Variants in ARHGEF17 observed in about 807,000 individuals in gnomAD.
ARHGEF17 encodes 164 kDa Rho-specific guanine-nucleotide exchange factor.
ARHGEF17 carries 80 observed loss-of-function variants against 174.0 expected under a neutral mutation model. That is an observed-to-expected ratio of 0.46 (90% CI 0.38 to 0.55). The LOEUF (loss-of-function observed/expected upper bound fraction) is 0.55. ARHGEF17 is among the 20% of genes least tolerant of loss of function. The pLI, the probability that ARHGEF17 is intolerant of heterozygous loss-of-function variation, is 0.00. For synonymous variants in ARHGEF17, 1,311 were observed against 1,189.1 expected, an observed-to-expected ratio of 1.10 and a Z score of -2.11; for missense variants, 2,886 against 2,839.7, an observed-to-expected ratio of 1.02 and a Z score of -0.37.
At chr11:73,366,395 A>G (rs1286776957) in intron 20 of ARHGEF17, among the ~76,000 whole-genome samples, 1 of 152,206 alleles carries the variant, frequency 6.6e-6, no homozygotes, top group Non-Finnish European at 1.5e-5. Context: ...AACAACATAG[A>G]ATGGCACTAG....
rs1864834213 is a variant in ARHGEF17, at chr11:73,311,496, C to T, written c.2858C>T (p.Ser953Phe). ...GGCAGCCTGTCTCGGGCCCGGCCCT[C>T]CTCCAGACACGTTCGCCATGCCAGT... is the stretch of plus-strand genomic sequence containing the variant. ...QTGSLSRARP[S>F]SRHVRHASVP... Residue 953 changes from serine (S) to phenylalanine (F), a missense_variant, in exon 1 of 21, where the codon TCC (serine) becomes TTC (phenylalanine). By Grantham distance (155) the Ser-to-Phe change is radical. This residue lies in a region of ARHGEF17 where 1,728 missense variants were observed against 1,461.2 expected (regional missense o/e 1.18). Transcript: ENST00000263674. 6.2e-7 allele frequency: 1 copy of T among 1,613,168 alleles called. No individual in the cohort carries two copies. Among genetic ancestry groups the T allele is most frequent in the Middle Eastern group, 1.6e-4 (1 of 6,062 alleles).
intron 4 of ARHGEF17, 29 bp from the exon 5 acceptor site, chr11:73,355,832 C>G (rs1170572002): frequency 7.4e-6 from 12 of 1,612,868 alleles, no homozygotes; most frequent in East Asian, 2.2e-5. Flanking sequence ...CATGTCATTC[C>G]TCACATGATG....
rs79447594 is a variant in ARHGEF17, at chr11:73,318,228, C to G, written c.3192+6398C>G. Among the ~76,000 whole-genome samples, 11 of 152,232 alleles carry G rather than the reference C, an allele frequency of 7.2e-5. No individual in the cohort carries two copies. The East Asian group carries it at 2.1e-3, about 29-fold the overall frequency. On this transcript the variant is annotated intron_variant, in intron 1 of 20. Transcript: ENST00000263674. ...TACGTGCTTTCCCCACCATCGCCTC[C>G]TGCTCTAGGATCCCCCCCACCCCCA... is the stretch of plus-strand genomic sequence containing the variant.
At chr11:73,318,546 C>T (rs771694502) in intron 1 of ARHGEF17, among the ~76,000 whole-genome samples, 21 of 152,200 alleles carry the variant, frequency 1.4e-4, no homozygotes, top group Admixed American at 4.6e-4. Flanking sequence ...GGGAGGATGG[C>T]TTGAGCCCAG....
rs1448154568 is a variant in ARHGEF17 at position 73,309,773 on chromosome 11, T to TCGTACCTGGCCAGCC, written c.1137_1151dup (p.Tyr380_Pro384dup). On this transcript the variant is annotated inframe_insertion, in exon 1 of 21. Coordinates refer to ENST00000263674, the MANE Select transcript of ARHGEF17 (RefSeq NM_014786.4). ...CCGTGTGGCCAAGGTGAGCTTTCCC[T>TCGTACCTGGCCAGCC]CGTACCTGGCCAGCCCCGCAGGCTC... 2.5e-6 allele frequency: 4 copies of TCGTACCTGGCCAGCC among 1,613,000 alleles called. No homozygotes were observed. The highest frequency in any genetic ancestry group is 1.3e-5 in the African/African-American group (1 of 75,050).
Position 73,329,373 on chromosome 11 carries a change from A to AT in ARHGEF17, c.3193-17494dup, listed in dbSNP as rs1192905396. Reference sequence around the variant, plus strand: ...TATATATATATATATATATATATATATTTTTTTTTTTTTTTTGTATTTTGG... The same window carrying AT: ...TATATATATATATATATATATATATATTTTTTTTTTTTTTTTTGTATTTTGG... On this transcript the variant is annotated intron_variant, in intron 1 of 20. Transcript: ENST00000263674. 2.0e-3 allele frequency among the ~76,000 whole-genome samples: 26 copies of AT among 13,168 alleles called. 4 individuals are homozygous for AT. The highest frequency in any genetic ancestry group is 9.6e-3 in the African/African-American group (19 of 1,978). The allele number at this position is 13,168 out of a possible 152,430, so 8.6% of individuals were successfully genotyped here. A position where few individuals can be genotyped will look rare whatever the true frequency, so the allele number is the denominator to read the frequency against.
Position 73,309,303 on chromosome 11 carries a change from A to G in ARHGEF17, c.665A>G (p.Gln222Arg), listed in dbSNP as rs1172438749. 6.2e-7 allele frequency: 1 copy of G among 1,611,528 alleles called. No individual in the cohort carries two copies. The highest frequency in any genetic ancestry group is 2.2e-5 in the East Asian group (1 of 44,790). The change falls in exon 1 of 21, where the codon CAA becomes CGA. Residue 222 changes from glutamine to arginine, a missense_variant. This residue lies in a region of ARHGEF17 where 1,728 missense variants were observed against 1,461.2 expected (regional missense o/e 1.18). Transcript: ENST00000263674. ...DGLHSWHIFS[Q>R]PQAGARASCS... is the part of the protein sequence containing the mutation. ...TTACATTCTTGGCATATCTTCTCCC[A>G]ACCGCAGGCCGGGGCCCGGGCCTCC...
chr11:73,354,069 T>C (rs944550330), intron 3 of ARHGEF17, among the ~76,000 whole-genome samples: 3 of 152,252 alleles, frequency 2.0e-5, no homozygotes, highest in Admixed American at 6.5e-5. Flanking sequence ...TATCTATTTC[T>C]GTGGGATGTA....
chr11:73,326,864 C>G (rs1865110672), intron 1 of ARHGEF17, among the ~76,000 whole-genome samples: 1 of 152,212 alleles, frequency 6.6e-6, no homozygotes, highest in African/African-American at 2.4e-5. Flanking sequence ...TGGACCACAT[C>G]TCACGCCATG....
intron 3 of ARHGEF17, among the ~76,000 whole-genome samples, chr11:73,354,248 C>A (rs1299540137): frequency 1.3e-5 from 2 of 152,196 alleles, no homozygotes; most frequent in African/African-American, 4.8e-5. Context: ...GCTCAGCCCC[C>A]TGCCTGGACC....
chr11:73,361,308 G>A, intron 12 of ARHGEF17, 147 bp downstream of exon 12: 1 of 708,470 alleles, frequency 1.4e-6, no homozygotes, highest in Non-Finnish European at 2.4e-6. Context: ...CATGTGTGTG[G>A]GTGCTGCATA....
rs938443809 is a variant in ARHGEF17, at chr11:73,308,441, G to C, written c.-198G>C. On this transcript the variant is annotated 5_prime_UTR_variant, in exon 1 of 21. Coordinates refer to ENST00000263674, the MANE Select transcript of ARHGEF17 (RefSeq NM_014786.4). ...GGCGCTGAGGCGGGAGGGGCCGCCC[G>C]GGATGGAGACGTTGCGGCCGGTGGC... 1.0e-5 allele frequency: 5 copies of C among 480,892 alleles called. No homozygotes were observed. The highest frequency in any genetic ancestry group is 8.1e-5 in the African/African-American group (4 of 49,538). 29.8% of individuals were successfully genotyped at this position (480,892 alleles called of 1,614,324 possible). A position where few individuals can be genotyped will look rare whatever the true frequency, so the allele number is the denominator to read the frequency against.
rs777185020 is a variant in ARHGEF17, at chr11:73,311,346, T to G, written c.2708T>G (p.Phe903Cys). ...LPPPATAHRN[F>C]HLDPKLADIL... Reference sequence around the variant, plus strand: ...CCCCCTGCCACTGCCCACCGAAACTTTCACCTTGACCCCAAGCTGGCTGAC... The same window carrying G: ...CCCCCTGCCACTGCCCACCGAAACTGTCACCTTGACCCCAAGCTGGCTGAC... The change falls in exon 1 of 21, where the codon TTT (phenylalanine) becomes TGT (cysteine). Residue 903 changes from phenylalanine (F) to cysteine (C), a missense_variant. Physicochemically the swap from Phe to Cys is radical, Grantham distance 205. Coordinates refer to ENST00000263674, the MANE Select transcript of ARHGEF17 (RefSeq NM_014786.4). The G allele has an allele frequency of 1.2e-6, 2 of 1,613,246 alleles. No individual in the cohort carries two copies. Among genetic ancestry groups the G allele is most frequent in the Non-Finnish European group, 1.7e-6 (2 of 1,180,010 alleles).
chr11:73,345,375 C>G (rs1005599701), intron 1 of ARHGEF17, among the ~76,000 whole-genome samples: 3 of 152,100 alleles, frequency 2.0e-5, no homozygotes, highest in African/African-American at 7.2e-5. Flanking sequence ...TCCTTCACAC[C>G]CCCACCACTG....
At chr11:73,322,111 A>C (rs1046440823) in intron 1 of ARHGEF17, among the ~76,000 whole-genome samples, 2 of 152,196 alleles carry the variant, frequency 1.3e-5, no homozygotes, top group Non-Finnish European at 2.9e-5. Flanking sequence ...GTTAAGGAGC[A>C]GATGTGGAAG....
chr11:73,308,624 G>C lies in ARHGEF17; in HGVS notation c.-15G>C. On this transcript the variant is annotated 5_prime_UTR_variant, in exon 1 of 21. Transcript: ENST00000263674. ...GCTGCCCGAGGCCAGCCCCCCCGGAGTGAGTTACGCCACTATGGCGGACGG... is the reference window on the plus strand; with the variant it reads ...GCTGCCCGAGGCCAGCCCCCCCGGACTGAGTTACGCCACTATGGCGGACGG... The C allele has an allele frequency of 6.9e-7, 1 of 1,458,146 alleles. No individual in the cohort carries two copies. Among genetic ancestry groups the C allele is most frequent in the East Asian group, 2.9e-5 (1 of 33,900 alleles). The allele number at this position is 1,458,146 out of a possible 1,614,324, so 90.3% of individuals were successfully genotyped here.
rs115186009 is a variant in ARHGEF17, at chr11:73,311,617, A to G, written c.2979A>G (p.Arg993=). The G allele has an allele frequency of 1.3e-3, 2,030 of 1,613,144 alleles. 15 individuals are homozygous for G. In the African/African-American group the frequency reaches 0.025, roughly 20 times the overall value. The change falls in exon 1 of 21, where the codon CGA becomes CGG. Residue 993 remains arginine (R), a synonymous_variant. Transcript: ENST00000263674. ...AVPEPIGFPT[R]AHPTLQAPSL... ...CAGAACCCATAGGCTTCCCTACCCG[A>G]GCCCATCCCACGTTGCAGGCACCAT...
chr11:73,309,282 A>T lies in ARHGEF17; in HGVS notation c.644A>T (p.His215Leu). 6.2e-7 allele frequency: 1 copy of T among 1,612,108 alleles called. No homozygotes were observed. The highest frequency in any genetic ancestry group is 8.5e-7 in the Non-Finnish European group (1 of 1,179,596). ...ERAQRPADGL[H>L]SWHIFSQPQA... The stretch of plus-strand genomic sequence containing the variant: ...GCGCAGCGTCCAGCGGATGGTTTAC[A>T]TTCTTGGCATATCTTCTCCCAACCG... The change falls in exon 1 of 21, where the codon CAT (histidine) becomes CTT (leucine). Residue 215 changes from histidine to leucine, a missense_variant. His to Leu is a moderately conservative substitution (Grantham distance 99). Transcript: ENST00000263674.
Position 73,308,852 on chromosome 11 carries a change from C to T in ARHGEF17, c.214C>T (p.Pro72Ser), listed in dbSNP as rs758990617. 62 of 1,342,164 alleles carry T rather than the reference C, an allele frequency of 4.6e-5. No individual in the cohort carries two copies. The highest frequency in any genetic ancestry group is 8.1e-5 in the Admixed American group (2 of 24,590). The allele number at this position is 1,342,164 out of a possible 1,614,324, so 83.1% of individuals were successfully genotyped here. The change falls in exon 1 of 21, where the codon CCG (proline) becomes TCG (serine). Residue 72 changes from proline (P) to serine (S), a missense_variant. By Grantham distance (74) the Pro-to-Ser change is moderately conservative. Around this residue, in one of 4 missense-constraint regions of ARHGEF17, gnomAD observed 1,728 missense variants for 1,461.2 expected, o/e 1.18. Transcript: ENST00000263674. The stretch of plus-strand genomic sequence containing the variant: ...TGGGCCCCTGGCCGCCCCCGCGCAG[C>T]CGCGCCCGCTCCGCAGCCTCTCGCC... ...ASGPLAAPAQ[P>S]RPLRSLSPSV...
Sources: allele counts gnomAD v4.1 joint callset (sites outside exome capture counted in the v4.1 genomes callset), GRCh38; gene constraint gnomAD v4.1.1; regional missense constraint gnomAD v4.1.1; transcripts MANE v1.5; gene names NCBI Gene and HGNC (gene_info 2026-07-23, HGNC 2026-07-21).